Variants in PHF24 observed in about 807,000 individuals in gnomAD.
PHF24 encodes PHD finger protein 24.
PHF24 carries 25 observed loss-of-function variants against 42.6 expected under a neutral mutation model. The ratio of observed to expected loss-of-function variants is 0.59; its 90% CI spans 0.43 to 0.82. The LOEUF is 0.82. Ranked by LOEUF, PHF24 falls within the 40% of genes least tolerant of loss-of-function variation. The probability of loss-of-function intolerance (pLI) is 0.00; values close to 1 mark genes in which losing one functional copy is unlikely to be tolerated. For synonymous variants in PHF24, 185 were observed against 204.8 expected (o/e 0.90, Z 0.83); for missense variants, 470 against 538.1 (o/e 0.87, Z 1.25).
At chr9:34,716,717 G>A in the PHF24 span, among the ~76,000 whole-genome samples, 1 of 152,116 alleles carries the variant, frequency 6.6e-6, no homozygotes, top group Admixed American at 6.5e-5. Context: ...AGCCTCCTGA[G>A]TAGCTGGGAC....
chr9:34,701,355 A>G, the PHF24 span, among the ~76,000 whole-genome samples: 47,462 of 151,932 alleles, frequency 0.31, 7,979 homozygotes, highest in East Asian at 0.45. This position sits in a 1 kb window ranked among gnomAD's most constrained non-coding sequence, Gnocchi z 5.8. Flanking sequence ...CGTATCCCGA[A>G]CTGTGTCTGT....
At chr9:34,726,806 G>T in the PHF24 span, 26 of 1,551,678 alleles carry the variant, frequency 1.7e-5, no homozygotes, top group Non-Finnish European at 2.3e-5. Context: ...AGACATACTA[G>T]ACGTAGACAG....
At chr9:34,687,428 C>G in the PHF24 span, among the ~76,000 whole-genome samples, 1 of 152,124 alleles carries the variant, frequency 6.6e-6, no homozygotes, top group African/African-American at 2.4e-5. Context: ...GCTCCTCTCT[C>G]CCATCTGACA....
chr9:34,702,430 T>C, the PHF24 span, among the ~76,000 whole-genome samples: 1 of 152,216 alleles, frequency 6.6e-6, no homozygotes, highest in East Asian at 1.9e-4. Flanking sequence ...ATTCTCTTAA[T>C]ATTGGATTGA....
At chr9:34,693,680 G>C in the PHF24 span, among the ~76,000 whole-genome samples, 3 of 151,868 alleles carry the variant, frequency 2.0e-5, no homozygotes, top group African/African-American at 4.8e-5. Flanking sequence ...AGAGAACAGG[G>C]CATTAAAAAA....
chr9:34,976,848 T>A, intron 5 of PHF24, 108 bp downstream of exon 5: 1 of 1,031,160 alleles, frequency 9.7e-7, no homozygotes, highest in Non-Finnish European at 1.4e-6. Context: ...CAGGGACAAG[T>A]ATCAGGAATG....
chr9:34,964,746 C>T (rs778578607), intron 1 of PHF24, among the ~76,000 whole-genome samples: 17 of 152,292 alleles, frequency 1.1e-4, no homozygotes, highest in Middle Eastern at 6.8e-3. Context: ...GCTTCTCTTA[C>T]CCAAGACAGA....
the PHF24 span, among the ~76,000 whole-genome samples, chr9:34,880,364 T>G: frequency 2.6e-5 from 4 of 152,032 alleles, no homozygotes; most frequent in African/African-American, 9.7e-5. Flanking sequence ...TAACCTTAAA[T>G]GTAAATGTAA....
chr9:34,890,371 G>C, the PHF24 span, among the ~76,000 whole-genome samples: 1 of 152,178 alleles, frequency 6.6e-6, no homozygotes, highest in African/African-American at 2.4e-5. Flanking sequence ...CTTTTGCAAA[G>C]ACCTGGTCTA....
chr9:34,835,891 G>C, the PHF24 span: 2 of 949,422 alleles, frequency 2.1e-6, no homozygotes, highest in South Asian at 2.8e-5. Flanking sequence ...CTCTAGGCAA[G>C]AGGAGACCTG....
the PHF24 span, among the ~76,000 whole-genome samples, chr9:34,755,352 A>C: frequency 6.6e-6 from 1 of 152,106 alleles, no homozygotes; most frequent in African/African-American, 2.4e-5. Flanking sequence ...TACCCACAAA[A>C]ATAAAAAATG....
the PHF24 span, among the ~76,000 whole-genome samples, chr9:34,836,479 C>G: frequency 6.6e-6 from 1 of 152,196 alleles, no homozygotes; most frequent in Non-Finnish European, 1.5e-5. Context: ...TACATCCAAA[C>G]TGTGGAAAAT....
chr9:34,686,749 A>G, the PHF24 span, among the ~76,000 whole-genome samples: 1 of 152,196 alleles, frequency 6.6e-6, no homozygotes, highest in Non-Finnish European at 1.5e-5. Flanking sequence ...GAAGGTGTCT[A>G]TCTATAGGCA....
chr9:34,748,767 A>G, the PHF24 span, among the ~76,000 whole-genome samples: 1 of 152,186 alleles, frequency 6.6e-6, no homozygotes, highest in South Asian at 2.1e-4. Context: ...AGACTACAAT[A>G]AATACCTAAC....
At chr9:34,822,244 G>A in the PHF24 span, among the ~76,000 whole-genome samples, 4 of 152,060 alleles carry the variant, frequency 2.6e-5, no homozygotes, top group African/African-American at 2.4e-5. Flanking sequence ...TCATTTCTTG[G>A]TGTATATCCA....
the PHF24 span, among the ~76,000 whole-genome samples, chr9:34,856,702 T>C: frequency 6.6e-6 from 1 of 152,168 alleles, no homozygotes; most frequent in Non-Finnish European, 1.5e-5. Context: ...GCCAGAATGC[T>C]CCTGTAGGAG....
chr9:34,939,118 TA>T, the PHF24 span, among the ~76,000 whole-genome samples: 5 of 149,942 alleles, frequency 3.3e-5, no homozygotes, highest in Non-Finnish European at 7.4e-5. Context: ...GCATCTCTAC[TA>T]AAAATACAAA....
At chr9:34,758,469 AG>A in the PHF24 span, among the ~76,000 whole-genome samples, 1 of 152,078 alleles carries the variant, frequency 6.6e-6, no homozygotes, top group Admixed American at 6.5e-5. This position sits in a 1 kb window ranked among gnomAD's most constrained non-coding sequence, Gnocchi z 4.4. Flanking sequence ...TATAGGCAGC[AG>A]GGATTGCTTT....
chr9:34,710,161 T>C, the PHF24 span: 1 of 926,628 alleles, frequency 1.1e-6, no homozygotes, highest in African/African-American at 1.6e-5. Context: ...TGGCCTGCTA[T>C]TTATGTAGCT....
Sources: gnomAD v4.1 joint callset for allele counts (sites outside exome capture counted in the v4.1 genomes callset) on GRCh38, gnomAD v4.1.1 for gene constraint, Gnocchi (gnomAD v3.1) non-coding constraint, MANE v1.5 for transcripts, NCBI Gene and HGNC (gene_info 2026-07-23, HGNC 2026-07-21) for gene names.